Variants in BPIFB2 observed in about 807,000 individuals in gnomAD.
BPIFB2 encodes BPI fold containing family B member 2, also known as BPI fold-containing family B member 2.
In BPIFB2, 39 loss-of-function variants were observed where a neutral mutation model predicts 50.1. The observed-to-expected ratio is 0.78, with a 90% CI of 0.60 to 1.02. The LOEUF is 1.02. Ranked by LOEUF, BPIFB2 falls within the 50% of genes least tolerant of loss-of-function variation. The pLI is 0.00. For missense variants in BPIFB2, 574 were observed against 585.8 expected, an observed-to-expected ratio of 0.98 and a Z score of 0.21; for synonymous variants, 280 against 256.3, an observed-to-expected ratio of 1.09 and a Z score of -0.88.
intron 4 of BPIFB2, 71 bp downstream of exon 4, chr20:33,012,978 G>C: frequency 7.5e-7 from 1 of 1,337,576 alleles, no homozygotes; most frequent in South Asian, 1.2e-5. Flanking sequence ...TGAGGGGACG[G>C]GGGGTAGCAA....
In BPIFB2 at chr20:33,009,725, GC is replaced by G. The variant is rs1295965574; in HGVS notation, c.109+1045del. ...GGCCCGCGCCCTCCGCCGCCTTCCT[GC>G]CCTCTGCCCATCCTGTGCAAGCCTC... is the stretch of plus-strand genomic sequence containing the variant. On this transcript the variant is annotated intron_variant, in intron 2 of 15. Transcript: ENST00000170150. The surrounding 1 kb of genome is among the most constrained non-coding windows in gnomAD (Gnocchi z 4.2). 6.6e-6 allele frequency among the ~76,000 whole-genome samples: 1 copy of G among 152,226 alleles called. No homozygotes were observed. Among genetic ancestry groups the G allele is most frequent in the Non-Finnish European group, 1.5e-5 (1 of 68,040 alleles).
rs148804619 is a variant in BPIFB2, at chr20:33,013,067, G to A, written c.308+160G>A. On this transcript the variant is annotated intron_variant, in intron 4 of 15. Transcript: ENST00000170150. ...TCCCCTCACGCTTGGAGGGGAGCAAGATAGTGAGAACATTTCTGAGAACCC... is the reference window on the plus strand; with the variant it reads ...TCCCCTCACGCTTGGAGGGGAGCAAAATAGTGAGAACATTTCTGAGAACCC... Among the ~76,000 whole-genome samples, 19 of 152,208 alleles carry A rather than the reference G, an allele frequency of 1.2e-4. No homozygotes were observed. The East Asian group carries it at 3.5e-3, about 28-fold the overall frequency.
At position 33,018,824 on chromosome 20, in the gene BPIFB2, T is replaced by TG; in HGVS notation, c.855+3dup. 1 of 1,609,734 alleles carries TG rather than the reference T, an allele frequency of 6.2e-7. No individual in the cohort carries two copies. The highest frequency in any genetic ancestry group is 8.5e-7 in the Non-Finnish European group (1 of 1,178,204). On this transcript the variant is annotated splice_region_variant and intron_variant, in intron 9 of 15. Coordinates refer to ENST00000170150, the MANE Select transcript of BPIFB2 (RefSeq NM_025227.3). ...AACCTGGACATCACAGGGCAGCTGGTGAGGGCCCGACCTGCAGCCCAGGGC... is the reference window on the plus strand; with the variant it reads ...AACCTGGACATCACAGGGCAGCTGGTGGAGGGCCCGACCTGCAGCCCAGGGC...
Position 33,017,183 on chromosome 20 carries a change from T to C in BPIFB2, c.577+81T>C, listed in dbSNP as rs2070873438. ...CTAGAACCCTCCAAAGGCTCCACTC[T>C]GGATCACGGTCGACCTCTAGGAGAG... is the stretch of plus-strand genomic sequence containing the variant. On this transcript the variant is annotated intron_variant, in intron 7 of 15. Transcript: ENST00000170150. The C allele has an allele frequency of 2.2e-6, 3 of 1,354,862 alleles. No individual in the cohort carries two copies. The South Asian group carries it at 3.7e-5, about 17-fold the overall frequency. The allele number at this position is 1,354,862 out of a possible 1,614,324, so 83.9% of individuals were successfully genotyped here.
Position 33,020,486 on chromosome 20 carries a change from G to T in BPIFB2, c.1149-56G>T, listed in dbSNP as rs571798829. 3 of 1,595,882 alleles carry T rather than the reference G, an allele frequency of 1.9e-6. No homozygotes were observed. In the African/African-American group the frequency reaches 4.0e-5, roughly 21 times the overall value. On this transcript the variant is annotated intron_variant, in intron 12 of 15. Coordinates refer to ENST00000170150, the MANE Select transcript of BPIFB2 (RefSeq NM_025227.3). ...CCTGGGTCACGGTGTTAGCCAGGGA[G>T]CCTGGGCGTAGGGAGGTGCCAGACC...
intron 6 of BPIFB2, 110 bp from the exon 7 acceptor site, chr20:33,016,932 G>A (rs374692411): frequency 2.1e-6 from 2 of 947,514 alleles, no homozygotes; most frequent in Admixed American, 2.1e-5. Context: ...CAGGCATGGT[G>A]TATGGGTTGG....
At chr20:33,015,288 G>A in intron 5 of BPIFB2, 148 bp from the exon 6 acceptor site, 1 of 620,844 alleles carries the variant, frequency 1.6e-6, no homozygotes, top group Non-Finnish European at 2.8e-6. Flanking sequence ...TGCCAGCACT[G>A]TGTCTGGCAG....
chr20:33,021,212 T>A, intron 13 of BPIFB2, 69 bp from the exon 14 acceptor site: 1 of 1,513,846 alleles, frequency 6.6e-7, no homozygotes, highest in Non-Finnish European at 9.1e-7. Context: ...TTTATGTATG[T>A]GCCTGACTGT....
chr20:33,009,238 G>A lies in BPIFB2; in HGVS notation c.109+555G>A, dbSNP rs963976427. On this transcript the variant is annotated intron_variant, in intron 2 of 15. Transcript: ENST00000170150. The surrounding 1 kb of genome is among the most constrained non-coding windows in gnomAD (Gnocchi z 4.2). The stretch of plus-strand genomic sequence containing the variant: ...AGCGTGAGAGAACCATCCGCTCTCT[G>A]GGTCCCACTTGTGCGAGGGCTCTGT... Among the ~76,000 whole-genome samples the A allele has an allele frequency of 6.6e-6, 1 of 152,152 alleles. No homozygotes were observed. The highest frequency in any genetic ancestry group is 6.5e-5 in the Admixed American group (1 of 15,274).
At chr20:33,022,687 C>G (rs1204956634) in intron 15 of BPIFB2, among the ~76,000 whole-genome samples, 1 of 152,230 alleles carries the variant, frequency 6.6e-6, no homozygotes, top group Non-Finnish European at 1.5e-5. Context: ...CTACTGAGCA[C>G]TGAAATGTGG....
rs533704093 is a variant in BPIFB2, at chr20:33,018,545, A to G, written c.670-92A>G. 108 of 1,415,868 alleles carry G rather than the reference A, an allele frequency of 7.6e-5. No individual in the cohort carries two copies. In the Middle Eastern group the frequency reaches 1.4e-3, roughly 19 times the overall value. The allele number at this position is 1,415,868 out of a possible 1,614,324, so 87.7% of individuals were successfully genotyped here. A position where few individuals can be genotyped will look rare whatever the true frequency, so the allele number is the denominator to read the frequency against. On this transcript the variant is annotated intron_variant, in intron 8 of 15. Transcript: ENST00000170150. ...ATCTTGCAGGGGCTGGGGGGCAGGG[A>G]GTGGCATCTAGGAGTCCAGGTTCTG...
intron 4 of BPIFB2, 118 bp downstream of exon 4, chr20:33,013,025 T>G (rs1990310854): frequency 1.7e-5 from 13 of 763,254 alleles, no homozygotes; most frequent in Middle Eastern, 3.8e-4. Context: ...CTTGACTCTC[T>G]GTCCAGTTGC....
chr20:33,020,703 A>G, intron 13 of BPIFB2, 116 bp downstream of exon 13: 1 of 1,247,230 alleles, frequency 8.0e-7, no homozygotes, highest in Non-Finnish European at 1.1e-6. Context: ...GTGCCACTAT[A>G]GTCAGGCTTC....
At chr20:33,019,778 C>T (rs1203413358) in intron 11 of BPIFB2, 28 bp downstream of exon 11, 2 of 1,557,028 alleles carry the variant, frequency 1.3e-6, no homozygotes, top group Non-Finnish European at 1.7e-6. Context: ...GGTCGGAAGG[C>T]AGGCAACTGT....
intron 7 of BPIFB2, 91 bp downstream of exon 7, chr20:33,017,193 T>A (rs6057701): frequency 4.0e-6 from 5 of 1,257,796 alleles, no homozygotes; most frequent in African/African-American, 1.5e-5. Flanking sequence ...TGGATCACGG[T>A]CGACCTCTAG....
chr20:33,021,754 T>C lies in BPIFB2; in HGVS notation c.1290T>C (p.Gly430=). The C allele has an allele frequency of 1.9e-6, 3 of 1,614,198 alleles. No individual in the cohort carries two copies. The highest frequency in any genetic ancestry group is 2.5e-6 in the Non-Finnish European group (3 of 1,180,028). The change falls in exon 15 of 16, where the codon GGT becomes GGC. Residue 430 remains glycine (G), a synonymous_variant. Transcript: ENST00000170150. The stretch of plus-strand genomic sequence containing the variant: ...TGGCCATGGGAATTGCCCTCCCTGG[T>C]GTGGTCAACCTCCACTATGTCGCCC... The part of the protein sequence containing the change: ...ALLAMGIALP[G]VVNLHYVAPE...
chr20:33,016,960 G>C, intron 6 of BPIFB2, 82 bp from the exon 7 acceptor site: 1 of 1,289,864 alleles, frequency 7.8e-7, no homozygotes, highest in East Asian at 2.3e-5. Context: ...TCTAGACAGG[G>C]ACTCTAGACC....
chr20:33,016,544 AT>A (rs1978438415), intron 6 of BPIFB2, among the ~76,000 whole-genome samples: 2 of 152,226 alleles, frequency 1.3e-5, no homozygotes, highest in South Asian at 4.1e-4. Context: ...CCCATCTTCT[AT>A]CACACTGATC....
At chr20:33,014,036 G>A in intron 5 of BPIFB2, 80 bp downstream of exon 5, 1 of 1,515,008 alleles carries the variant, frequency 6.6e-7, no homozygotes, top group Non-Finnish European at 8.9e-7. Flanking sequence ...GCCCACTCAG[G>A]ACTTTAACCA....
Sources: allele counts gnomAD v4.1 joint callset (sites outside exome capture counted in the v4.1 genomes callset), GRCh38; gene constraint gnomAD v4.1.1; non-coding constraint Gnocchi (gnomAD v3.1); transcripts MANE v1.5; gene names NCBI Gene and HGNC (gene_info 2026-07-23, HGNC 2026-07-21).